The following KPNA1 variants were observed in gnomAD, a reference collection of about 807,000 sequenced individuals.
KPNA1 encodes karyopherin subunit alpha 1.
Under a neutral mutation model 70.5 loss-of-function variants are expected in KPNA1, and 10 were observed. The observed-to-expected ratio is 0.14, with a 90% confidence interval of 0.09 to 0.24. The LOEUF (loss-of-function observed/expected upper bound fraction) is 0.24, where lower values mean the gene tolerates loss of function less well. KPNA1 is among the 10% of genes least tolerant of loss of function. The probability of loss-of-function intolerance (pLI) is 1.00; values close to 1 mark genes in which losing one functional copy is unlikely to be tolerated. For synonymous variants in KPNA1, 192 were observed against 221.9 expected (o/e 0.87, Z 1.20); for missense variants, 397 against 637.9 (o/e 0.62, Z 4.07).
intron 9 of KPNA1, among the ~76,000 whole-genome samples, chr3:122,448,422 G>A (rs2076164341): frequency 6.6e-6 from 1 of 152,176 alleles, no homozygotes; most frequent in African/African-American, 2.4e-5. Context: ...CATAAAAAAG[G>A]ATGAGTTCAT....
In KPNA1 at chr3:122,425,538, T is replaced by C. The variant is rs1004238529; in HGVS notation, c.*1447A>G. On this transcript the variant is annotated 3_prime_UTR_variant, in exon 14 of 14. Transcript: ENST00000344337. ...CCAACATTGAGTCAAGATGGCCAAC[T>C]AGCACCGAGAAGTCGTATTGAACTC... 1 of 152,576 alleles carries C rather than the reference T, an allele frequency of 6.6e-6. No individual in the cohort carries two copies. The highest frequency in any genetic ancestry group is 1.9e-4 in the East Asian group (1 of 5,194). The allele number at this position is 152,576 out of a possible 1,614,324, so 9.5% of individuals were successfully genotyped here.
At chr3:122,476,861 C>CAAAGAAAA (rs2076503816) in intron 2 of KPNA1, among the ~76,000 whole-genome samples, 1 of 65,490 alleles carries the variant, frequency 1.5e-5, no homozygotes, top group African/African-American at 5.8e-5. Context: ...GGAGGTTCCA[C>CAAAGAAAA]AAAAAAAAAA....
intron 1 of KPNA1, among the ~76,000 whole-genome samples, chr3:122,503,268 T>C (rs2076850976): frequency 6.6e-6 from 1 of 151,690 alleles, no homozygotes; most frequent in African/African-American, 2.4e-5. Context: ...TATATATATA[T>C]ATAAAGAAAG....
chr3:122,506,705 T>G (rs1208657544), intron 1 of KPNA1, among the ~76,000 whole-genome samples: 1 of 152,208 alleles, frequency 6.6e-6, no homozygotes, highest in African/African-American at 2.4e-5. Context: ...GCAATACATA[T>G]TTTCTTTCAC....
intron 8 of KPNA1, among the ~76,000 whole-genome samples, chr3:122,450,714 A>C (rs905696231): frequency 3.3e-5 from 5 of 152,202 alleles, no homozygotes; most frequent in African/African-American, 1.2e-4. Context: ...AAAGAACTAA[A>C]AGTATATCTA....
chr3:122,433,901 G>A, intron 11 of KPNA1, 113 bp from the exon 12 acceptor site: 1 of 771,720 alleles, frequency 1.3e-6, no homozygotes, highest in Non-Finnish European at 2.0e-6. Context: ...TCTCCTGTCA[G>A]AAATAAATTG....
rs1204562568 is a variant in KPNA1 at position 122,463,642 on chromosome 3, T to TA, written c.337+299dup. On this transcript the variant is annotated intron_variant, in intron 4 of 13. Coordinates refer to ENST00000344337, the MANE Select transcript of KPNA1 (RefSeq NM_002264.4). Reference sequence around the variant, plus strand: ...AAGGAGTATTTTTAAAGTCACTCTATAAAAAAAAGTCAGTCTCTCAATTTG... The same window carrying TA: ...AAGGAGTATTTTTAAAGTCACTCTATAAAAAAAAAGTCAGTCTCTCAATTTG... 1.7e-4 allele frequency among the ~76,000 whole-genome samples: 26 copies of TA among 151,968 alleles called. No individual in the cohort carries two copies. The South Asian group carries it at 5.0e-3, about 29-fold the overall frequency.
At chr3:122,439,837 A>G (rs956564434) in intron 10 of KPNA1, among the ~76,000 whole-genome samples, 16 of 152,180 alleles carry the variant, frequency 1.1e-4, no homozygotes, top group Non-Finnish European at 2.1e-4. Flanking sequence ...TTGCTATACA[A>G]ACTATAAGGG....
intron 2 of KPNA1, among the ~76,000 whole-genome samples, chr3:122,470,127 T>C (rs953570181): frequency 1.1e-4 from 17 of 152,334 alleles, no homozygotes; most frequent in Admixed American, 2.6e-4. Context: ...AAAATTGATT[T>C]AGCAGGTAAA....
At chr3:122,466,517 A>C (rs760309324) in intron 3 of KPNA1, among the ~76,000 whole-genome samples, 7 of 152,122 alleles carry the variant, frequency 4.6e-5, no homozygotes, top group Non-Finnish European at 8.8e-5. Context: ...AAATTACGTA[A>C]TTACAATACT....
At chr3:122,494,988 A>T (rs1267062694) in intron 2 of KPNA1, among the ~76,000 whole-genome samples, 3 of 152,166 alleles carry the variant, frequency 2.0e-5, no homozygotes, top group African/African-American at 7.2e-5. Context: ...AGGAAAGGAA[A>T]TTCCTGTAAT....
At chr3:122,448,776 A>G (rs1400412589) in intron 9 of KPNA1, among the ~76,000 whole-genome samples, 1 of 152,118 alleles carries the variant, frequency 6.6e-6, no homozygotes, top group Non-Finnish European at 1.5e-5. Flanking sequence ...GAAATGGCTA[A>G]AATATATAGT....
chr3:122,445,106 T>C (rs2076119384), intron 9 of KPNA1, among the ~76,000 whole-genome samples: 1 of 152,160 alleles, frequency 6.6e-6, no homozygotes, highest in African/African-American at 2.4e-5. Flanking sequence ...CTAACTTCTC[T>C]GGGCTAAAGG....
intron 8 of KPNA1, 91 bp from the exon 9 acceptor site, chr3:122,449,828 G>C (rs1281698412): frequency 1.2e-5 from 12 of 1,039,586 alleles, no homozygotes; most frequent in Admixed American, 7.4e-5. Context: ...GCATGTACTT[G>C]GTGACTTCTA....
chr3:122,465,672 C>A (rs530837566), intron 3 of KPNA1, among the ~76,000 whole-genome samples: 3 of 152,162 alleles, frequency 2.0e-5, no homozygotes, highest in African/African-American at 7.2e-5. Flanking sequence ...GAAGCCAAGG[C>A]GGGTGGATCA....
Position 122,424,898 on chromosome 3 carries a change from T to G in KPNA1, c.*2087A>C, listed in dbSNP as rs2075801759. ...TTCTGAAAGAAGTTATATTTTAATGTGATGTAAAGGCAACATTGAAATTTC... is the reference window on the plus strand; with the variant it reads ...TTCTGAAAGAAGTTATATTTTAATGGGATGTAAAGGCAACATTGAAATTTC... On this transcript the variant is annotated 3_prime_UTR_variant, in exon 14 of 14. Coordinates refer to ENST00000344337, the MANE Select transcript of KPNA1 (RefSeq NM_002264.4). 6.5e-6 allele frequency: 1 copy of G among 152,694 alleles called. No homozygotes were observed. Among genetic ancestry groups the G allele is most frequent in the Non-Finnish European group, 1.5e-5 (1 of 68,052 alleles). 9.5% of individuals were successfully genotyped at this position (152,694 alleles called of 1,614,324 possible).
At chr3:122,494,252 T>C (rs1035509891) in intron 2 of KPNA1, among the ~76,000 whole-genome samples, 3 of 152,220 alleles carry the variant, frequency 2.0e-5, no homozygotes, top group Non-Finnish European at 2.9e-5. Flanking sequence ...GGTTTTCTTC[T>C]AGGATTTTTA....
intron 2 of KPNA1, among the ~76,000 whole-genome samples, chr3:122,470,524 A>C (rs188098033): frequency 9.3e-4 from 141 of 151,908 alleles, no homozygotes; most frequent in African/African-American, 3.3e-3. Context: ...AAATAAATAA[A>C]CAAATAAATA....
chr3:122,503,464 G>A (rs1382852403), intron 1 of KPNA1, among the ~76,000 whole-genome samples: 1 of 152,148 alleles, frequency 6.6e-6, no homozygotes, highest in Non-Finnish European at 1.5e-5. Context: ...TTATTAAAGT[G>A]TCATAGGCAG....
Sources: gnomAD v4.1 joint callset for allele counts (sites outside exome capture counted in the v4.1 genomes callset) on GRCh38, gnomAD v4.1.1 for gene constraint, MANE v1.5 for transcripts, NCBI Gene and HGNC (gene_info 2026-07-23, HGNC 2026-07-21) for gene names.